Variants in CARS1 observed in about 807,000 individuals in gnomAD.
The protein encoded by CARS1 is cysteinyl-tRNA synthetase 1.
CARS1 carries 48 observed loss-of-function variants against 106.2 expected under a neutral mutation model. The observed-to-expected ratio is 0.45, with a 90% confidence interval of 0.36 to 0.57. The LOEUF (loss-of-function observed/expected upper bound fraction) is 0.57. Among genes scored for constraint, CARS1 ranks in the 20% least tolerant of loss-of-function variants. The probability of loss-of-function intolerance (pLI) is 0.00; values close to 1 mark genes in which losing one functional copy is unlikely to be tolerated. For missense variants in CARS1, 968 were observed against 1,057.2 expected (o/e 0.92, Z 1.17); for synonymous variants, 409 against 403.4 (o/e 1.01, Z -0.17).
rs1265120657 is a variant in CARS1 at position 3,034,536 on chromosome 11, T to A, written c.801+3514A>T. ...GCGCCTGGCCGGGAATGGGTAAAAT[T>A]TTTTTTCTTTTTGAGACGGAGTCTT... On this transcript the variant is annotated intron_variant, in intron 7 of 22. Transcript: ENST00000380525. This position sits in a 1 kb window ranked among gnomAD's most constrained non-coding sequence, Gnocchi z 6.3. Among the ~76,000 whole-genome samples the A allele has an allele frequency of 1.3e-5, 2 of 151,318 alleles. No homozygotes were observed. Among genetic ancestry groups the A allele is most frequent in the East Asian group, 2.0e-4 (1 of 5,118 alleles).
chr11:3,019,264 G>T lies in CARS1; in HGVS notation c.1270C>A (p.Arg424Ser). The change falls in exon 12 of 23, where the codon CGT (arginine) becomes AGT (serine). Residue 424 changes from arginine (R) to serine (S), a missense_variant. Transcript: ENST00000380525. The surrounding 1 kb of genome is among the most constrained non-coding windows in gnomAD (Gnocchi z 6.2). ...GAGCACTCGATATGCCAGCCCGGAC[G>T]ACCCTGGAGAAAGCCGAACACACAG... ...PSWPCPWGKG[R>S]PGWHIECSAM... 1 of 1,425,912 alleles carries T rather than the reference G, an allele frequency of 7.0e-7. No individual in the cohort carries two copies. The allele number at this position is 1,425,912 out of a possible 1,614,324, so 88.3% of individuals were successfully genotyped here. A position where few individuals can be genotyped will look rare whatever the true frequency, so the allele number is the denominator to read the frequency against.
At position 3,054,947 on chromosome 11, in the gene CARS1, C is replaced by A. The variant is rs763794643; in HGVS notation, c.25+2396G>T. On this transcript the variant is annotated intron_variant, in intron 1 of 22. Transcript: ENST00000380525. ...GCCCTGAGGTAGGCTCCATCTACCCCAGAAACCTCAGAAATGAAACTCATC... is the reference window on the plus strand; with the variant it reads ...GCCCTGAGGTAGGCTCCATCTACCCAAGAAACCTCAGAAATGAAACTCATC... The A allele has an allele frequency of 1.0e-5, 7 of 702,608 alleles. No homozygotes were observed. The East Asian group carries it at 1.6e-4, about 16-fold the overall frequency. The allele number at this position is 702,608 out of a possible 1,614,324, so 43.5% of individuals were successfully genotyped here.
rs1233936713 is a variant in CARS1 at position 3,028,121 on chromosome 11, G to A, written c.1031+875C>T. On this transcript the variant is annotated intron_variant, in intron 9 of 22. Transcript: ENST00000380525. The surrounding 1 kb of genome is among the most constrained non-coding windows in gnomAD (Gnocchi z 4.4). The stretch of plus-strand genomic sequence containing the variant: ...GTCTCTGATATGCAGAAATAATGGC[G>A]TAAGCTGCCTCTCTCTGTCTCCTCT... 13 of 303,524 alleles carry A rather than the reference G, an allele frequency of 4.3e-5. No homozygotes were observed. The highest frequency in any genetic ancestry group is 8.9e-5 in the Admixed American group (2 of 22,384). The allele number at this position is 303,524 out of a possible 1,614,324, so 18.8% of individuals were successfully genotyped here.
At position 3,048,116 on chromosome 11, in the gene CARS1, T is replaced by G; in HGVS notation, c.26-115A>C. ...CCAAGGAAAAAGGTGTTCAAGCCCT[T>G]CCCTGGACGCCAAACATCCAGAACA... On this transcript the variant is annotated intron_variant, in intron 1 of 22. Transcript: ENST00000380525. The surrounding 1 kb of genome is among the most constrained non-coding windows in gnomAD (Gnocchi z 5.1). The G allele has an allele frequency of 3.1e-6, 4 of 1,290,424 alleles. No homozygotes were observed. The highest frequency in any genetic ancestry group is 4.2e-6 in the Non-Finnish European group (4 of 950,868). The allele number at this position is 1,290,424 out of a possible 1,614,324, so 79.9% of individuals were successfully genotyped here.
In CARS1 at chr11:3,050,747, G is replaced by T. The variant is rs1855594720; in HGVS notation, c.26-2746C>A. ...GGGCATGCTCCCCAGATACCAGCAG[G>T]CCCCTTAATCCTTCACAGCTCTGCT... is the stretch of plus-strand genomic sequence containing the variant. On this transcript the variant is annotated intron_variant, in intron 1 of 22. Transcript: ENST00000380525. The surrounding 1 kb of genome is among the most constrained non-coding windows in gnomAD (Gnocchi z 6.3). Among the ~76,000 whole-genome samples, 2 of 152,192 alleles carry T rather than the reference G, an allele frequency of 1.3e-5. No individual in the cohort carries two copies. Among genetic ancestry groups the T allele is most frequent in the South Asian group, 4.1e-4 (2 of 4,824 alleles).
At position 3,028,074 on chromosome 11, in the gene CARS1, C is replaced by T. The variant is rs1203370180; in HGVS notation, c.1031+922G>A. ...GGCTCTACCTTCTAGATAGCAGTAG[C>T]AAATTAGTGAAAGTACTAAAAGTCT... On this transcript the variant is annotated intron_variant, in intron 9 of 22. Transcript: ENST00000380525. The surrounding 1 kb of genome is among the most constrained non-coding windows in gnomAD (Gnocchi z 4.4). The T allele has an allele frequency of 6.9e-6, 2 of 289,308 alleles. No individual in the cohort carries two copies. Among genetic ancestry groups the T allele is most frequent in the Non-Finnish European group, 1.4e-5 (2 of 143,558 alleles). 17.9% of individuals were successfully genotyped at this position (289,308 alleles called of 1,614,324 possible).
At chr11:3,032,432 G>C (rs1852976905) in intron 7 of CARS1, among the ~76,000 whole-genome samples, 1 of 152,056 alleles carries the variant, frequency 6.6e-6, no homozygotes, top group African/African-American at 2.4e-5. Context: ...ATCTGAATTG[G>C]GGACAGTCTT....
chr11:3,005,238 C>T (rs996489668), intron 20 of CARS1, 128 bp downstream of exon 20: 1 of 644,746 alleles, frequency 1.6e-6, no homozygotes, highest in Non-Finnish European at 2.6e-6. Context: ...TTCTTTCTGA[C>T]ATTTATAAAT....
intron 18 of CARS1, among the ~76,000 whole-genome samples, chr11:3,010,372 C>G: frequency 6.6e-6 from 1 of 152,264 alleles, no homozygotes; most frequent in East Asian, 1.9e-4. Context: ...CAGGAATGGT[C>G]TTCCCAAGCC....
intron 2 of CARS1, 130 bp from the exon 3 acceptor site, chr11:3,042,386 A>C: frequency 1.6e-6 from 1 of 627,386 alleles, no homozygotes; most frequent in South Asian, 1.9e-5. Flanking sequence ...ATGTGAAACC[A>C]CACGAATCTC....
At position 3,041,727 on chromosome 11, in the gene CARS1, C is replaced by G. The variant is rs187374967; in HGVS notation, c.366+438G>C. Among the ~76,000 whole-genome samples the G allele has an allele frequency of 2.6e-5, 4 of 152,350 alleles. No individual in the cohort carries two copies. Among genetic ancestry groups the G allele is most frequent in the African/African-American group, 9.6e-5 (4 of 41,582 alleles). On this transcript the variant is annotated intron_variant, in intron 3 of 22. Transcript: ENST00000380525. This position sits in a 1 kb window ranked among gnomAD's most constrained non-coding sequence, Gnocchi z 4.9. The stretch of plus-strand genomic sequence containing the variant: ...AAACCCCATTCTGTTAGGAACCAAT[C>G]CTGCCTTCTTCTCAAAACCTGCTGT...
In CARS1 at chr11:3,034,250, T is replaced by C. The variant is rs1019808161; in HGVS notation, c.801+3800A>G. On this transcript the variant is annotated intron_variant, in intron 7 of 22. Coordinates refer to ENST00000380525, the MANE Select transcript of CARS1 (RefSeq NM_001014437.3). This position sits in a 1 kb window ranked among gnomAD's most constrained non-coding sequence, Gnocchi z 6.3. ...TTTGTTTTGTTTTTTTGAGACAGTCTCACTCTGTTTCCCAGGCTGGAATGC... is the reference window on the plus strand; with the variant it reads ...TTTGTTTTGTTTTTTTGAGACAGTCCCACTCTGTTTCCCAGGCTGGAATGC... Among the ~76,000 whole-genome samples, 1 of 152,182 alleles carries C rather than the reference T, an allele frequency of 6.6e-6. No individual in the cohort carries two copies. Among genetic ancestry groups the C allele is most frequent in the Admixed American group, 6.5e-5 (1 of 15,278 alleles).
Position 3,039,894 on chromosome 11 carries a change from T to G in CARS1, c.493A>C (p.Lys165Gln). The G allele has an allele frequency of 6.3e-7, 1 of 1,591,528 alleles. No homozygotes were observed. The highest frequency in any genetic ancestry group is 1.1e-5 in the South Asian group (1 of 87,510). Reference protein sequence around the residue: ...ISFDILRRVLKDYFKFDVFYC... With the variant: ...ISFDILRRVLQDYFKFDVFYC... ...AAGACATCAAATTTGAAGTAATCCT[T>G]CAACACTCTTCTCAAGATATCAAAA... is the stretch of plus-strand genomic sequence containing the variant. The change falls in exon 5 of 23, where the codon AAG becomes CAG. Residue 165 changes from lysine to glutamine, a missense_variant. Lys to Gln is a moderately conservative substitution (Grantham distance 53). Coordinates refer to ENST00000380525, the MANE Select transcript of CARS1 (RefSeq NM_001014437.3). The surrounding 1 kb of genome is among the most constrained non-coding windows in gnomAD (Gnocchi z 5.6).
rs903798599 is a variant in CARS1, at chr11:3,019,510, A to C, written c.1267-243T>G. 6.6e-6 allele frequency among the ~76,000 whole-genome samples: 1 copy of C among 152,170 alleles called. No individual in the cohort carries two copies. The highest frequency in any genetic ancestry group is 1.5e-5 in the Non-Finnish European group (1 of 68,024). On this transcript the variant is annotated intron_variant, in intron 11 of 22. Coordinates refer to ENST00000380525, the MANE Select transcript of CARS1 (RefSeq NM_001014437.3). The surrounding 1 kb of genome is among the most constrained non-coding windows in gnomAD (Gnocchi z 6.2). ...GGAGTTCAAGACCAGCCTGGCCAAC[A>C]TGGTGAAACCCCGTCTCTACTAAAA...
At chr11:3,026,825 G>A in intron 9 of CARS1, 28 bp from the exon 10 acceptor site, 1 of 1,601,224 alleles carries the variant, frequency 6.2e-7, no homozygotes, top group South Asian at 1.1e-5. Context: ...AATTGGGTGG[G>A]TGCATCTAAC....
chr11:3,018,484 A>G lies in CARS1; in HGVS notation c.1553T>C (p.Met518Thr). The change falls in exon 14 of 23, where the codon ATG (methionine) becomes ACG (threonine). Residue 518 changes from methionine to threonine, a missense_variant. Transcript: ENST00000380525. Reference sequence around the variant, plus strand: ...GTCCAGGGTGTCCTTCCACGAGTGCATGAGGAAGGCCAGCCGCAACTGCCG... The same window carrying G: ...GTCCAGGGTGTCCTTCCACGAGTGCGTGAGGAAGGCCAGCCGCAACTGCCG... ...SARQLRLAFL[M>T]HSWKDTLDYS... The G allele has an allele frequency of 6.2e-7, 1 of 1,614,012 alleles. No individual in the cohort carries two copies. Among genetic ancestry groups the G allele is most frequent in the Non-Finnish European group, 8.5e-7 (1 of 1,179,864 alleles).
In CARS1 at chr11:3,041,029, ACACTG is replaced by A. The variant is rs1374355673; in HGVS notation, c.367-50_367-46del. On this transcript the variant is annotated intron_variant, in intron 3 of 22. Transcript: ENST00000380525. The surrounding 1 kb of genome is among the most constrained non-coding windows in gnomAD (Gnocchi z 4.9). ...ATGACGATCACAAGAAATGCAAGAA[ACACTG>A]CACAGGATTACCAAAAACAGCAACA... 6.2e-7 allele frequency: 1 copy of A among 1,613,996 alleles called. No homozygotes were observed. The highest frequency in any genetic ancestry group is 1.3e-5 in the African/African-American group (1 of 75,036).
chr11:3,012,191 T>C lies in CARS1; in HGVS notation c.2068+4A>G. ...CCACACTCTTTCCAGCAACTGGTCC[T>C]CACCTTTTTGCTCTCGGGCAATCTT... is the stretch of plus-strand genomic sequence containing the variant. On this transcript the variant is annotated splice_donor_region_variant and intron_variant, in intron 18 of 22. Transcript: ENST00000380525. 1 of 1,613,672 alleles carries C rather than the reference T, an allele frequency of 6.2e-7. No homozygotes were observed. The highest frequency in any genetic ancestry group is 2.2e-5 in the East Asian group (1 of 44,866).
At chr11:3,047,609 A>G (rs1855231006) in intron 2 of CARS1, 144 bp downstream of exon 2, 1 of 1,139,174 alleles carries the variant, frequency 8.8e-7, no homozygotes. Context: ...GCATCTGCCC[A>G]TCCAGGCCAC....
Sources: allele counts gnomAD v4.1 joint callset (sites outside exome capture counted in the v4.1 genomes callset), GRCh38; gene constraint gnomAD v4.1.1; non-coding constraint Gnocchi (gnomAD v3.1); transcripts MANE v1.5; gene names NCBI Gene and HGNC (gene_info 2026-07-23, HGNC 2026-07-21).